The following TMEM175 variants were observed in gnomAD, a reference collection of about 807,000 sequenced individuals.
The protein encoded by TMEM175 is endosomal/lysosomal proton channel TMEM175.
In TMEM175, 36 loss-of-function variants were observed where a neutral mutation model predicts 36.5. The ratio of observed to expected loss-of-function variants is 0.99; its 90% CI spans 0.76 to 1.30. The LOEUF (loss-of-function observed/expected upper bound fraction) is 1.30, where lower values mean the gene tolerates loss of function less well. Ranked by LOEUF, TMEM175 falls within the 50% of genes most tolerant of loss-of-function variation. TMEM175 has a pLI of 0.00. For missense variants in TMEM175, 705 were observed against 692.8 expected, an observed-to-expected ratio of 1.02 and a Z score of -0.20; for synonymous variants, 339 against 313.4, an observed-to-expected ratio of 1.08 and a Z score of -0.86.
At chr4:950,288 G>A (rs1728699380) in intron 3 of TMEM175, 133 bp from the exon 4 acceptor site, 2 of 684,104 alleles carry the variant, frequency 2.9e-6, no homozygotes, top group Non-Finnish European at 5.2e-6. Flanking sequence ...CCTCCCAGGT[G>A]CCTCACAGGA....
intron 4 of TMEM175, 149 bp downstream of exon 4, chr4:950,667 A>C (rs1728752767): frequency 9.1e-6 from 6 of 658,844 alleles, no homozygotes; most frequent in Non-Finnish European, 1.6e-5. Context: ...ACTTACCCCA[A>C]ACCCAGGGCC....
intron 1 of TMEM175, among the ~76,000 whole-genome samples, chr4:935,848 G>T (rs1726721484): frequency 6.6e-6 from 1 of 152,082 alleles, no homozygotes; most frequent in South Asian, 2.1e-4. Flanking sequence ...TTCAATATTT[G>T]GAAACTGAAT....
chr4:941,969 T>C (rs1727570611), intron 1 of TMEM175, among the ~76,000 whole-genome samples: 1 of 152,198 alleles, frequency 6.6e-6, no homozygotes. Context: ...TCCAAGAGTT[T>C]TATAGTTTTA....
rs201397699 is a variant in TMEM175 at position 948,173 on chromosome 4, C to G, written c.192+19C>G. The G allele has an allele frequency of 3.7e-6, 6 of 1,614,126 alleles. No homozygotes were observed. The South Asian group carries it at 5.5e-5, about 15-fold the overall frequency. ...AGAACAGGTAACGGGGCAGGCTGTG[C>G]TCTGCGTGGTGTGGCCCTGCGAAGA... On this transcript the variant is annotated intron_variant, in intron 3 of 10. Transcript: ENST00000264771.
chr4:939,616 C>T (rs1421680450), intron 1 of TMEM175, among the ~76,000 whole-genome samples: 3 of 151,822 alleles, frequency 2.0e-5, no homozygotes, highest in Non-Finnish European at 2.9e-5. Flanking sequence ...CTCAGGAGGC[C>T]GAGGCAGGAG....
chr4:958,627 A>C lies in TMEM175; in HGVS notation c.*131A>C. 1.4e-6 allele frequency: 1 copy of C among 718,214 alleles called. No individual in the cohort carries two copies. Among genetic ancestry groups the C allele is most frequent in the Non-Finnish European group, 2.2e-6 (1 of 450,770 alleles). The allele number at this position is 718,214 out of a possible 1,614,324, so 44.5% of individuals were successfully genotyped here. A position where few individuals can be genotyped will look rare whatever the true frequency, so the allele number is the denominator to read the frequency against. The stretch of plus-strand genomic sequence containing the variant: ...GTGGCCTGGTTTTATTTTCATTGTG[A>C]AATATCATGCTCTTATTTCAGTCCT... On this transcript the variant is annotated 3_prime_UTR_variant, in exon 11 of 11. Transcript: ENST00000264771.
chr4:948,105 T>C lies in TMEM175; in HGVS notation c.154-11T>C. On this transcript the variant is annotated splice_polypyrimidine_tract_variant and intron_variant, in intron 2 of 10. Transcript: ENST00000264771. ...GCTCTCCTGCTTCCTTCTGTCTCTT[T>C]GCCCCCTCAGATCCTGCCTGTGACC... is the stretch of plus-strand genomic sequence containing the variant. 1 of 1,614,144 alleles carries C rather than the reference T, an allele frequency of 6.2e-7. No individual in the cohort carries two copies. Among genetic ancestry groups the C allele is most frequent in the South Asian group, 1.1e-5 (1 of 91,080 alleles).
chr4:950,583 T>C (rs1728743662), intron 4 of TMEM175, 65 bp downstream of exon 4: 2 of 1,225,470 alleles, frequency 1.6e-6, no homozygotes, highest in East Asian at 2.3e-5. Flanking sequence ...CCGCACCACA[T>C]CACGCACGGG....
intron 1 of TMEM175, among the ~76,000 whole-genome samples, chr4:941,840 C>T (rs1295915722): frequency 1.3e-5 from 2 of 151,902 alleles, no homozygotes; most frequent in Non-Finnish European, 2.9e-5. Flanking sequence ...GAGGCCGAGG[C>T]AGGAGAATTG....
rs1728965741 is a variant in TMEM175, at chr4:952,110, G to C, written c.379-257G>C. On this transcript the variant is annotated intron_variant, in intron 6 of 10. Coordinates refer to ENST00000264771, the MANE Select transcript of TMEM175 (RefSeq NM_032326.4). Reference sequence around the variant, plus strand: ...AGTGTGCGGGGCTGTGTGCCACAAGGAACTGGGGTCTGGGGAATTCCGTAT... The same window carrying C: ...AGTGTGCGGGGCTGTGTGCCACAAGCAACTGGGGTCTGGGGAATTCCGTAT... 3.5e-5 allele frequency: 21 copies of C among 594,914 alleles called. No individual in the cohort carries two copies. The South Asian group carries it at 4.2e-4, about 12-fold the overall frequency. 36.9% of individuals were successfully genotyped at this position (594,914 alleles called of 1,614,324 possible).
chr4:940,968 T>A (rs1037906008), intron 1 of TMEM175, among the ~76,000 whole-genome samples: 10 of 150,862 alleles, frequency 6.6e-5, no homozygotes, highest in African/African-American at 2.4e-4. Context: ...ATTGTGCCAC[T>A]GCACTCCAGC....
At chr4:936,125 G>A (rs1297421996) in intron 1 of TMEM175, among the ~76,000 whole-genome samples, 2 of 152,008 alleles carry the variant, frequency 1.3e-5, no homozygotes, top group African/African-American at 2.4e-5. Context: ...ACTTGAGGTC[G>A]GAAGTTTAAG....
intron 8 of TMEM175, 97 bp downstream of exon 8, chr4:953,451 G>A: frequency 7.1e-7 from 1 of 1,407,774 alleles, no homozygotes; most frequent in Non-Finnish European, 9.5e-7. Context: ...TGGGGGCAGA[G>A]CGCAGACAGG....
rs561973833 is a variant in TMEM175, at chr4:955,871, C to T, written c.823C>T (p.Leu275Phe). ...SDGVYAIVATLLILDICEDNV... is the reference protein window; with the variant it reads ...SDGVYAIVATFLILDICEDNV... ...CGGAGTCTACGCCATCGTGGCCACG[C>T]TTCTCATCCTGGACATCTGGTGAGG... is the stretch of plus-strand genomic sequence containing the variant. Residue 275 changes from leucine to phenylalanine, a missense_variant, in exon 10 of 11, where the codon CTT becomes TTT. Physicochemically the swap from Leu to Phe is conservative, Grantham distance 22. Transcript: ENST00000264771. The T allele has an allele frequency of 1.2e-6, 2 of 1,613,878 alleles. No individual in the cohort carries two copies. The highest frequency in any genetic ancestry group is 2.2e-5 in the South Asian group (2 of 91,086).
rs755714181 is a variant in TMEM175 at position 951,276 on chromosome 4, C to G, written c.342+18C>G. On this transcript the variant is annotated intron_variant, in intron 5 of 10. Transcript: ENST00000264771. The stretch of plus-strand genomic sequence containing the variant: ...TCAACCTGGTGAGTATTTTCCGGTC[C>G]TTTTCTGGGGAGTGACTCTGGTCTG... 3 of 1,613,884 alleles carry G rather than the reference C, an allele frequency of 1.9e-6. No individual in the cohort carries two copies. Among genetic ancestry groups the G allele is most frequent in the African/African-American group, 2.7e-5 (2 of 74,886 alleles).
In TMEM175 at chr4:952,384, C is replaced by T. The variant is rs917099562; in HGVS notation, c.396C>T (p.Thr132=). Residue 132 remains threonine (T), a synonymous_variant, in exon 7 of 11, where the codon ACC becomes ACT. Transcript: ENST00000264771. ...FLPYTFSLMV[T]FPDVPLGIFL... is the part of the protein sequence containing the mutation. ...TTTAACAGTTTTCGTTAATGGTGAC[C>T]TTCCCTGATGTGCCTCTGGGCATCT... 6.2e-7 allele frequency: 1 copy of T among 1,612,008 alleles called. No homozygotes were observed. Among genetic ancestry groups the T allele is most frequent in the African/African-American group, 1.3e-5 (1 of 74,864 alleles).
chr4:946,825 G>C (rs1728194260), intron 1 of TMEM175, among the ~76,000 whole-genome samples: 2 of 152,244 alleles, frequency 1.3e-5, no homozygotes, highest in African/African-American at 4.8e-5. Context: ...CCAAGGGAGA[G>C]CGCGGCCCCT....
chr4:957,848 G>C lies in TMEM175; in HGVS notation c.867G>C (p.Lys289Asn), dbSNP rs1237424576. 1 of 1,611,554 alleles carries C rather than the reference G, an allele frequency of 6.2e-7. No individual in the cohort carries two copies. The highest frequency in any genetic ancestry group is 1.7e-5 in the Admixed American group (1 of 59,904). Residue 289 changes from lysine to asparagine, a missense_variant, in exon 11 of 11, where the codon AAG becomes AAC. Transcript: ENST00000264771. Reference sequence around the variant, plus strand: ...GCGAAGACAACGTCCCGGACCCCAAGGATGTGAAGGAGAGGTTCAGCGGCA... The same window carrying C: ...GCGAAGACAACGTCCCGGACCCCAACGATGTGAAGGAGAGGTTCAGCGGCA... Reference protein sequence around the residue: ...DICEDNVPDPKDVKERFSGSL... With the variant: ...DICEDNVPDPNDVKERFSGSL...
At chr4:955,334 A>G in intron 8 of TMEM175, 71 bp from the exon 9 acceptor site, 3 of 1,253,398 alleles carry the variant, frequency 2.4e-6, no homozygotes, top group Non-Finnish European at 3.5e-6. Context: ...TTTGGCACAC[A>G]GCTTTGTGTG....
Sources: gnomAD v4.1 joint callset for allele counts (sites outside exome capture counted in the v4.1 genomes callset) on GRCh38, gnomAD v4.1.1 for gene constraint, MANE v1.5 for transcripts, NCBI Gene and HGNC (gene_info 2026-07-23, HGNC 2026-07-21) for gene names.